The following SPRYD3 variants were observed in gnomAD, a reference collection of about 807,000 sequenced individuals.
SPRYD3 encodes the protein SPRY domain-containing protein 3.
SPRYD3 carries 17 observed loss-of-function variants against 50.1 expected under a neutral mutation model. The observed-to-expected ratio is 0.34, with a 90% confidence interval of 0.23 to 0.51. The LOEUF is 0.51. Among genes scored for constraint, SPRYD3 ranks in the 20% least tolerant of loss-of-function variants. SPRYD3 has a pLI of 0.97. For missense variants in SPRYD3, 401 were observed against 591.2 expected (o/e 0.68, Z 3.34); for synonymous variants, 198 against 215.5 (o/e 0.92, Z 0.71).
chr12:53,065,558 C>T lies in SPRYD3; in HGVS notation c.*274G>A, dbSNP rs1944496952. 1 of 402,018 alleles carries T rather than the reference C, an allele frequency of 2.5e-6. No individual in the cohort carries two copies. 24.9% of individuals were successfully genotyped at this position (402,018 alleles called of 1,614,324 possible). A position where few individuals can be genotyped will look rare whatever the true frequency, so the allele number is the denominator to read the frequency against. ...AAAGGGGGACCCAGAAGCCCACTGA[C>T]CAAAGCGAGTGGGACCACCCACATA... On this transcript the variant is annotated 3_prime_UTR_variant, in exon 11 of 11. Transcript: ENST00000301463.
Position 53,066,383 on chromosome 12 carries a change from T to C in SPRYD3, c.1125A>G (p.Glu375=). The C allele has an allele frequency of 6.2e-7, 1 of 1,613,976 alleles. No individual in the cohort carries two copies. The highest frequency in any genetic ancestry group is 8.5e-7 in the Non-Finnish European group (1 of 1,179,854). ...CCTCTTCCTCTTCCTCTTCCTCCTCTTCCTCTTCCCCTTCCTGGTGCAGGT... is the reference window on the plus strand; with the variant it reads ...CCTCTTCCTCTTCCTCTTCCTCCTCCTCCTCTTCCCCTTCCTGGTGCAGGT... The part of the protein sequence containing the change: ...VMYLHQEGEE[E]EEEEEEEEDG... The change falls in exon 10 of 11, where the codon GAA becomes GAG. Residue 375 remains glutamate (E), a synonymous_variant. Coordinates refer to ENST00000301463, the MANE Select transcript of SPRYD3 (RefSeq NM_032840.3).
chr12:53,066,932 G>A (rs1944513517), intron 8 of SPRYD3, among the ~76,000 whole-genome samples: 1 of 152,080 alleles, frequency 6.6e-6, no homozygotes, highest in African/African-American at 2.4e-5. Context: ...GGCCAGCATG[G>A]CGAAACATCT....
At chr12:53,070,100 G>C (rs1944538782) in intron 6 of SPRYD3, among the ~76,000 whole-genome samples, 1 of 152,066 alleles carries the variant, frequency 6.6e-6, no homozygotes, top group South Asian at 2.1e-4. Context: ...CCCCAACATG[G>C]GTCTTTAAAA....
At chr12:53,077,762 A>G (rs1189368380) in intron 1 of SPRYD3, among the ~76,000 whole-genome samples, 1 of 152,232 alleles carries the variant, frequency 6.6e-6, no homozygotes, top group Non-Finnish European at 1.5e-5. Context: ...GCTGGTATAT[A>G]GGGAATGTGA....
At chr12:53,073,245 C>T (rs1944561571) in intron 6 of SPRYD3, 41 bp downstream of exon 6, 1 of 1,065,548 alleles carries the variant, frequency 9.4e-7, no homozygotes, top group Non-Finnish European at 1.4e-6. Flanking sequence ...TGCCCAGCCT[C>T]CTCCGACCCA....
rs1393896283 is a variant in SPRYD3 at position 53,069,536 on chromosome 12, G to A, written c.694-1232C>T. The stretch of plus-strand genomic sequence containing the variant: ...GCGGGGTGCTACTAACCCCTTCTGA[G>A]AGTAGGACTAGAGGGGCTTGGTGCC... On this transcript the variant is annotated intron_variant, in intron 6 of 10. Coordinates refer to ENST00000301463, the MANE Select transcript of SPRYD3 (RefSeq NM_032840.3). 2.0e-5 allele frequency among the ~76,000 whole-genome samples: 3 copies of A among 152,364 alleles called. No homozygotes were observed. In the East Asian group the frequency reaches 5.8e-4, roughly 29 times the overall value.
intron 7 of SPRYD3, 141 bp from the exon 8 acceptor site, chr12:53,067,846 G>T: frequency 1.2e-6 from 1 of 803,328 alleles, no homozygotes. Flanking sequence ...GCAGGCACTG[G>T]GGCTTCAGGG....
intron 6 of SPRYD3, among the ~76,000 whole-genome samples, chr12:53,071,949 G>C (rs1193257955): frequency 1.3e-5 from 2 of 152,038 alleles, no homozygotes; most frequent in Non-Finnish European, 2.9e-5. Flanking sequence ...TGAAGGTGTT[G>C]GGGGGAGGGT....
Position 53,074,813 on chromosome 12 carries a change from C to A in SPRYD3, c.372-29G>T, listed in dbSNP as rs1338642170. ...CAGACAGAGTAGTACAGACACAGGA[C>A]CCGAGCCTGGCCTCCCAACTTCTCC... On this transcript the variant is annotated intron_variant, in intron 4 of 10. Transcript: ENST00000301463. The surrounding 1 kb of genome is among the most constrained non-coding windows in gnomAD (Gnocchi z 4.6). 2 of 1,611,584 alleles carry A rather than the reference C, an allele frequency of 1.2e-6. No homozygotes were observed. Among genetic ancestry groups the A allele is most frequent in the Non-Finnish European group, 1.7e-6 (2 of 1,178,044 alleles).
intron 1 of SPRYD3, 123 bp from the exon 2 acceptor site, chr12:53,077,384 A>T (rs1944596924): frequency 1.1e-6 from 1 of 927,018 alleles, no homozygotes; most frequent in African/African-American, 1.7e-5. Context: ...TGACCTCAAC[A>T]ACCCTCATCT....
chr12:53,069,118 G>A (rs1338237341), intron 6 of SPRYD3, among the ~76,000 whole-genome samples: 2 of 152,118 alleles, frequency 1.3e-5, no homozygotes, highest in African/African-American at 2.4e-5. Flanking sequence ...TGGGCACGAC[G>A]GGGCGGCAAC....
At position 53,067,715 on chromosome 12, in the gene SPRYD3, G is replaced by T; in HGVS notation, c.844-10C>A. 1 of 1,613,264 alleles carries T rather than the reference G, an allele frequency of 6.2e-7. No individual in the cohort carries two copies. The highest frequency in any genetic ancestry group is 8.5e-7 in the Non-Finnish European group (1 of 1,179,308). ...TGTTCTTGGGATAGTCCTGCACCAA[G>T]AAGAGAAAAGAAAATCTATGGTCCC... On this transcript the variant is annotated splice_polypyrimidine_tract_variant and intron_variant, in intron 7 of 10. Transcript: ENST00000301463.
rs1458558596 is a variant in SPRYD3, at chr12:53,065,741, T to C, written c.*91A>G. 19 of 1,391,770 alleles carry C rather than the reference T, an allele frequency of 1.4e-5. No homozygotes were observed. Among genetic ancestry groups the C allele is most frequent in the Non-Finnish European group, 9.9e-7 (1 of 1,005,742 alleles). The allele number at this position is 1,391,770 out of a possible 1,614,324, so 86.2% of individuals were successfully genotyped here. A position where few individuals can be genotyped will look rare whatever the true frequency, so the allele number is the denominator to read the frequency against. ...TGACTACACACCTCCAGGGGCCTGC[T>C]GGGTAAACGAAGCCTCTGGGAAGTC... On this transcript the variant is annotated 3_prime_UTR_variant, in exon 11 of 11. Coordinates refer to ENST00000301463, the MANE Select transcript of SPRYD3 (RefSeq NM_032840.3).
chr12:53,066,647 C>G lies in SPRYD3; in HGVS notation c.947G>C (p.Gly316Ala). 6.2e-7 allele frequency: 1 copy of G among 1,613,852 alleles called. No individual in the cohort carries two copies. The highest frequency in any genetic ancestry group is 2.2e-5 in the East Asian group (1 of 44,876). ...GATGTCCCCTTTGTAACAGCGTGGC[C>G]CAAAGGGGTCCCCCACACCACTGCC... ...FHGSGVGDPF[G>A]PRCYKGDIMG... The change falls in exon 9 of 11, where the codon GGG becomes GCG. Residue 316 changes from glycine to alanine, a missense_variant. Coordinates refer to ENST00000301463, the MANE Select transcript of SPRYD3 (RefSeq NM_032840.3).
At chr12:53,068,964 G>GGA (rs1944530107) in intron 6 of SPRYD3, among the ~76,000 whole-genome samples, 1 of 152,160 alleles carries the variant, frequency 6.6e-6, no homozygotes, top group Non-Finnish European at 1.5e-5. Context: ...GTGAGGGAGA[G>GGA]GAGAGGTCAA....
Position 53,065,807 on chromosome 12 carries a change from A to C in SPRYD3, c.*25T>G, listed in dbSNP as rs1244374041. ...GGCCCAGCAGAGGGTGAGCAGGGAGAAGGAGCAGGTCTGGAGGGGAGGCCC... is the reference window on the plus strand; with the variant it reads ...GGCCCAGCAGAGGGTGAGCAGGGAGCAGGAGCAGGTCTGGAGGGGAGGCCC... On this transcript the variant is annotated 3_prime_UTR_variant, in exon 11 of 11. Transcript: ENST00000301463. 2 of 1,600,486 alleles carry C rather than the reference A, an allele frequency of 1.2e-6. No individual in the cohort carries two copies. Among genetic ancestry groups the C allele is most frequent in the Non-Finnish European group, 1.7e-6 (2 of 1,171,546 alleles).
rs762826814 is a variant in SPRYD3 at position 53,074,675 on chromosome 12, T to C, written c.481A>G (p.Ile161Val). 68 of 1,614,158 alleles carry C rather than the reference T, an allele frequency of 4.2e-5. No individual in the cohort carries two copies. The highest frequency in any genetic ancestry group is 5.5e-5 in the Non-Finnish European group (65 of 1,180,052). Residue 161 changes from isoleucine to valine, a missense_variant, in exon 5 of 11, where the codon ATC becomes GTC. Coordinates refer to ENST00000301463, the MANE Select transcript of SPRYD3 (RefSeq NM_032840.3). The surrounding 1 kb of genome is among the most constrained non-coding windows in gnomAD (Gnocchi z 4.6). ...PVSFDVQTAQIFFTKNGKRVG... is the reference protein window; with the variant it reads ...PVSFDVQTAQVFFTKNGKRVG... ...CGCTTCCCATTTTTGGTGAAGAAGA[T>C]CTGGGCGGTCTGCACATCAAAGGAC...
intron 2 of SPRYD3, 103 bp downstream of exon 2, chr12:53,077,012 A>C: frequency 1.7e-6 from 2 of 1,169,968 alleles, no homozygotes; most frequent in Non-Finnish European, 2.4e-6. Context: ...TGTGCAGTGC[A>C]CAGTCCCCTT....
chr12:53,079,312 G>T lies in SPRYD3; in HGVS notation c.22C>A (p.Arg8=). The change falls in exon 1 of 11, where the codon CGG becomes AGG. Residue 8 remains arginine, a splice_region_variant and synonymous_variant. Coordinates refer to ENST00000301463, the MANE Select transcript of SPRYD3 (RefSeq NM_032840.3). ...ACCCCGCCCCCGATCCCCGCCTACC[G>T]GGGCCGCCGCGTCCTCCTCATCCAT... is the stretch of plus-strand genomic sequence containing the variant. MRRTRRP[R]FVLMNKMDDL... is the part of the protein sequence containing the mutation. 1.2e-6 allele frequency: 2 copies of T among 1,607,018 alleles called. No individual in the cohort carries two copies. The highest frequency in any genetic ancestry group is 1.7e-6 in the Non-Finnish European group (2 of 1,177,084).
Sources: gnomAD v4.1 joint callset for allele counts (sites outside exome capture counted in the v4.1 genomes callset) on GRCh38, gnomAD v4.1.1 for gene constraint, Gnocchi (gnomAD v3.1) non-coding constraint, MANE v1.5 for transcripts, NCBI Gene and HGNC (gene_info 2026-07-23, HGNC 2026-07-21) for gene names.